The following GSG1L variants were observed in gnomAD, a reference collection of about 807,000 sequenced individuals.
GSG1L encodes the protein germ cell-specific gene 1-like protein.
A neutral mutation model predicts 42.1 loss-of-function variants in GSG1L; 24 were observed. The observed-to-expected ratio is 0.57, with a 90% CI of 0.41 to 0.80. The LOEUF (loss-of-function observed/expected upper bound fraction) is 0.80. Among genes scored for constraint, GSG1L ranks in the 30% least tolerant of loss-of-function variants. GSG1L has a pLI of 0.00. For synonymous variants in GSG1L, 215 were observed against 203.5 expected, an observed-to-expected ratio of 1.06 and a Z score of -0.48; for missense variants, 445 against 472.2, an observed-to-expected ratio of 0.94 and a Z score of 0.53.
chr16:27,788,933 C>T lies in GSG1L; in HGVS notation c.*2437G>A, dbSNP rs2082720769. 1 of 152,234 alleles carries T rather than the reference C, an allele frequency of 6.6e-6. No homozygotes were observed. Among genetic ancestry groups the T allele is most frequent in the South Asian group, 2.1e-4 (1 of 4,826 alleles). 9.4% of individuals were successfully genotyped at this position (152,234 alleles called of 1,614,324 possible). On this transcript the variant is annotated 3_prime_UTR_variant, in exon 7 of 7. Transcript: ENST00000447459. ...AACCCAGGCTCACGACAATAGATGC[C>T]CTCTCTGGATGCTCCAGCATCCCAC... is the stretch of plus-strand genomic sequence containing the variant.
At chr16:27,829,720 C>A (rs149573214) in intron 4 of GSG1L, among the ~76,000 whole-genome samples, 1 of 152,080 alleles carries the variant, frequency 6.6e-6, no homozygotes, top group African/African-American at 2.4e-5. Context: ...CACCTCCTCA[C>A]GTTCATCGTA....
chr16:27,968,041 A>T (rs2085154392), intron 1 of GSG1L, among the ~76,000 whole-genome samples: 1 of 152,176 alleles, frequency 6.6e-6, no homozygotes. Flanking sequence ...ATTCAGACCA[A>T]CACCCGAGGC....
intron 6 of GSG1L, 137 bp downstream of exon 6, chr16:27,807,350 C>T: frequency 1.6e-6 from 1 of 644,234 alleles, no homozygotes; most frequent in Non-Finnish European, 2.6e-6. Context: ...ACTCAGTTTC[C>T]TCATCTGTAA....
intron 4 of GSG1L, among the ~76,000 whole-genome samples, chr16:27,842,989 C>T (rs2083403382): frequency 6.6e-6 from 1 of 152,194 alleles, no homozygotes; most frequent in South Asian, 2.1e-4. Flanking sequence ...TGCCTGTGAA[C>T]TCTCCTCCCC....
intron 5 of GSG1L, among the ~76,000 whole-genome samples, chr16:27,824,184 C>T (rs985689635): frequency 3.9e-5 from 6 of 152,194 alleles, no homozygotes; most frequent in East Asian, 1.9e-4. Context: ...AGGCACTTGG[C>T]GCGGCATGTC....
chr16:27,840,838 C>T (rs1327660484), intron 4 of GSG1L, among the ~76,000 whole-genome samples: 7 of 152,068 alleles, frequency 4.6e-5, no homozygotes, highest in Admixed American at 3.3e-4. Flanking sequence ...CCCCTCCGGC[C>T]GCCAGCCACC....
At chr16:28,037,851 C>G (rs1030184674) in intron 1 of GSG1L, among the ~76,000 whole-genome samples, 1 of 152,198 alleles carries the variant, frequency 6.6e-6, no homozygotes, top group African/African-American at 2.4e-5. Flanking sequence ...TATTTCCCCT[C>G]TTGGGATGCA....
intron 1 of GSG1L, among the ~76,000 whole-genome samples, chr16:27,965,190 T>C (rs1415857049): frequency 6.6e-6 from 1 of 152,018 alleles, no homozygotes; most frequent in Non-Finnish European, 1.5e-5. Context: ...AGCCAATTTT[T>C]GTATTTTTAG....
chr16:27,798,494 C>A (rs1287167285), intron 6 of GSG1L, among the ~76,000 whole-genome samples: 2 of 152,064 alleles, frequency 1.3e-5, no homozygotes, highest in African/African-American at 4.8e-5. Context: ...AAAAACCTAG[C>A]AATATTGTGG....
intron 1 of GSG1L, among the ~76,000 whole-genome samples, chr16:28,062,717 G>T (rs2086356841): frequency 6.6e-6 from 1 of 152,208 alleles, no homozygotes; most frequent in African/African-American, 2.4e-5. Context: ...GGAGGAGGGG[G>T]CGAGCGTGGA....
intron 1 of GSG1L, among the ~76,000 whole-genome samples, chr16:27,987,854 G>A (rs973160062): frequency 5.9e-5 from 9 of 151,522 alleles, no homozygotes; most frequent in Admixed American, 4.0e-4. Flanking sequence ...GGCTGAGGCA[G>A]GGGAATCACT....
intron 1 of GSG1L, among the ~76,000 whole-genome samples, chr16:28,045,404 G>A (rs1157361539): frequency 2.0e-5 from 3 of 152,292 alleles, no homozygotes; most frequent in East Asian, 3.9e-4. Flanking sequence ...GGCCAGAAGC[G>A]GTGGCTCACG....
chr16:27,836,777 C>CATTTTTATG (rs1378153256), intron 4 of GSG1L, among the ~76,000 whole-genome samples: 4 of 152,160 alleles, frequency 2.6e-5, no homozygotes, highest in Non-Finnish European at 5.9e-5. Context: ...CTTGTTGAAG[C>CATTTTTATG]ATTTTTATGA....
chr16:28,056,651 C>G (rs2086282677), intron 1 of GSG1L, among the ~76,000 whole-genome samples: 1 of 152,000 alleles, frequency 6.6e-6, no homozygotes, highest in East Asian at 1.9e-4. Context: ...AAATCTTGGT[C>G]CCTGTCACAC....
At chr16:27,904,281 G>A (rs1240757508) in intron 2 of GSG1L, among the ~76,000 whole-genome samples, 1 of 151,980 alleles carries the variant, frequency 6.6e-6, no homozygotes, top group Non-Finnish European at 1.5e-5. Context: ...TATTGTCCAA[G>A]CTGGTCTTAA....
chr16:27,862,928 G>A (rs2083671252), intron 3 of GSG1L, among the ~76,000 whole-genome samples: 1 of 151,922 alleles, frequency 6.6e-6, no homozygotes, highest in Admixed American at 6.6e-5. Flanking sequence ...TATTCTCTAG[G>A]GTTTTTTTTT....
At chr16:28,037,010 T>G (rs961898940) in intron 1 of GSG1L, among the ~76,000 whole-genome samples, 2 of 152,248 alleles carry the variant, frequency 1.3e-5, no homozygotes, top group Admixed American at 6.5e-5. Flanking sequence ...CTTTGGTTGT[T>G]GTTGTTGTTG....
chr16:27,951,447 G>A (rs1771837801), intron 2 of GSG1L, among the ~76,000 whole-genome samples: 1 of 152,212 alleles, frequency 6.6e-6, no homozygotes, highest in African/African-American at 2.4e-5. Context: ...GGACCACCAG[G>A]AGGTACCCAG....
intron 1 of GSG1L, among the ~76,000 whole-genome samples, chr16:27,993,896 A>C (rs532496235): frequency 1.3e-5 from 2 of 152,364 alleles, no homozygotes; most frequent in African/African-American, 4.8e-5. Flanking sequence ...AAGGGCTCAC[A>C]TGTGCACTAA....
Sources: allele counts gnomAD v4.1 joint callset (sites outside exome capture counted in the v4.1 genomes callset), GRCh38; gene constraint gnomAD v4.1.1; transcripts MANE v1.5; gene names NCBI Gene and HGNC (gene_info 2026-07-23, HGNC 2026-07-21).